MYO10: variants seen among roughly 807,000 people sequenced by gnomAD.
MYO10 encodes the protein unconventional myosin-X.
In MYO10, 133 loss-of-function variants were observed where a neutral mutation model predicts 257.3. The ratio of observed to expected loss-of-function variants is 0.52; its 90% CI spans 0.45 to 0.60. The LOEUF (loss-of-function observed/expected upper bound fraction) is 0.60. Ranked by LOEUF, MYO10 falls within the 20% of genes least tolerant of loss-of-function variation. The pLI is 0.00. For synonymous variants in MYO10, 1,104 were observed against 1,028.6 expected (o/e 1.07, Z -1.40); for missense variants, 2,399 against 2,635.7 (o/e 0.91, Z 1.97).
chr5:16,720,956 G>T (rs569446327), intron 19 of MYO10, among the ~76,000 whole-genome samples: 1 of 152,280 alleles, frequency 6.6e-6, no homozygotes, highest in African/African-American at 2.4e-5. Flanking sequence ...CATGAATACT[G>T]TATGTGTGGG....
intron 17 of MYO10, among the ~76,000 whole-genome samples, chr5:16,761,169 T>TCA (rs1296339475): frequency 6.6e-6 from 1 of 152,076 alleles, no homozygotes; most frequent in Non-Finnish European, 1.5e-5. Context: ...TTTTGTATTT[T>TCA]CAGTAGAGAT....
chr5:16,709,676 TG>T (rs1457518890), intron 21 of MYO10, among the ~76,000 whole-genome samples: 1 of 152,068 alleles, frequency 6.6e-6, no homozygotes, highest in Non-Finnish European at 1.5e-5. Flanking sequence ...ACTGCAGGCT[TG>T]GGGGACCCTG....
intron 1 of MYO10, among the ~76,000 whole-genome samples, chr5:16,911,313 T>G (rs1024129031): frequency 6.6e-6 from 1 of 152,226 alleles, no homozygotes; most frequent in African/African-American, 2.4e-5. Flanking sequence ...AGCCATTCCA[T>G]TCCCTTCCTT....
intron 9 of MYO10, among the ~76,000 whole-genome samples, chr5:16,769,969 T>C (rs1740996341): frequency 1.3e-5 from 2 of 152,014 alleles, no homozygotes; most frequent in African/African-American, 2.4e-5. Flanking sequence ...GGGGGTCTCA[T>C]GTTGGCCAGG....
chr5:16,692,398 C>A (rs1737549795), intron 27 of MYO10, among the ~76,000 whole-genome samples: 1 of 151,766 alleles, frequency 6.6e-6, no homozygotes, highest in East Asian at 1.9e-4. Flanking sequence ...CCAGCCTAGG[C>A]AACAGAGTGA....
chr5:16,892,250 C>T (rs1036717213), intron 1 of MYO10, among the ~76,000 whole-genome samples: 2 of 152,314 alleles, frequency 1.3e-5, no homozygotes, highest in Admixed American at 6.5e-5. Context: ...CACAGTTATT[C>T]ATTACTTGAG....
At chr5:16,715,112 A>T (rs381920) in intron 19 of MYO10, among the ~76,000 whole-genome samples, 109,234 of 142,924 alleles carry the variant, frequency 0.76, 42,437 homozygotes, top group Non-Finnish European at 0.82. Context: ...ATTAAAAAAA[A>T]ATTTTTTAAA....
At chr5:16,928,424 C>G (rs897609723) in intron 1 of MYO10, among the ~76,000 whole-genome samples, 1 of 152,108 alleles carries the variant, frequency 6.6e-6, no homozygotes, top group African/African-American at 2.4e-5. Flanking sequence ...GAACTCCTGA[C>G]CTCAGGTATC....
rs1561183591 is a variant in MYO10, at chr5:16,689,799, C to CACAAAGTCA, written c.3896+16_3896+24dup. 4 of 1,568,620 alleles carry CACAAAGTCA rather than the reference C, an allele frequency of 2.6e-6. No individual in the cohort carries two copies. The South Asian group carries it at 4.4e-5, about 17-fold the overall frequency. On this transcript the variant is annotated intron_variant, in intron 28 of 40. Coordinates refer to ENST00000513610, the MANE Select transcript of MYO10 (RefSeq NM_012334.3). ...GCATGAGGGAGCAGGATGTGGGTAA[C>CACAAAGTCA]ACAAAGTCAACAGCGCAGACTCACC...
At chr5:16,904,379 C>T (rs1745464120) in intron 1 of MYO10, among the ~76,000 whole-genome samples, 1 of 152,150 alleles carries the variant, frequency 6.6e-6, no homozygotes, top group African/African-American at 2.4e-5. Flanking sequence ...TTAACTGAAA[C>T]CCAGGAGAAG....
intron 2 of MYO10, among the ~76,000 whole-genome samples, chr5:16,876,177 T>C (rs1284832216): frequency 1.3e-5 from 2 of 152,174 alleles, no homozygotes; most frequent in Non-Finnish European, 2.9e-5. Context: ...TGCATTTGAC[T>C]ATCTTTTATT....
chr5:16,725,923 G>A (rs12055187), intron 19 of MYO10, among the ~76,000 whole-genome samples: 12,322 of 151,878 alleles, frequency 0.081, 872 homozygotes, highest in East Asian at 0.29. Context: ...AAGTAGCTAG[G>A]ATTATAGGCG....
intron 1 of MYO10, among the ~76,000 whole-genome samples, chr5:16,888,490 G>A (rs1054623797): frequency 6.6e-6 from 1 of 151,910 alleles, no homozygotes; most frequent in Non-Finnish European, 1.5e-5. Flanking sequence ...AGCTACTCAG[G>A]AGGCTGAGGC....
At chr5:16,867,547 A>C (rs964618361) in intron 2 of MYO10, among the ~76,000 whole-genome samples, 2 of 152,212 alleles carry the variant, frequency 1.3e-5, no homozygotes, top group Non-Finnish European at 2.9e-5. Context: ...CAAAAATGCA[A>C]TGAGAAGTCA....
intron 18 of MYO10, among the ~76,000 whole-genome samples, chr5:16,755,955 T>A (rs1740517124): frequency 6.6e-6 from 1 of 152,192 alleles, no homozygotes; most frequent in African/African-American, 2.4e-5. Flanking sequence ...AACCACAGCA[T>A]CATCACACCT....
chr5:16,675,666 A>C (rs1736690409), intron 34 of MYO10, among the ~76,000 whole-genome samples: 1 of 152,140 alleles, frequency 6.6e-6, no homozygotes, highest in African/African-American at 2.4e-5. Context: ...TTAACCTGGG[A>C]GGCAGATGTT....
intron 19 of MYO10, among the ~76,000 whole-genome samples, chr5:16,730,718 C>T (rs1047914018): frequency 6.6e-6 from 1 of 152,192 alleles, no homozygotes; most frequent in Admixed American, 6.5e-5. Flanking sequence ...GTGAGAATTA[C>T]TAGGTGGGGG....
At chr5:16,724,984 C>G (rs1739298390) in intron 19 of MYO10, among the ~76,000 whole-genome samples, 2 of 150,584 alleles carry the variant, frequency 1.3e-5, no homozygotes, top group South Asian at 4.2e-4. Context: ...TTTAAAAATG[C>G]AAATAAAAGT....
At chr5:16,848,969 T>C (rs1743722440) in intron 2 of MYO10, among the ~76,000 whole-genome samples, 1 of 152,164 alleles carries the variant, frequency 6.6e-6, no homozygotes, top group South Asian at 2.1e-4. Flanking sequence ...TTATTACTTC[T>C]TCTTGAAACA....
Sources: gnomAD v4.1 joint callset for allele counts (sites outside exome capture counted in the v4.1 genomes callset) on GRCh38, gnomAD v4.1.1 for gene constraint, MANE v1.5 for transcripts, NCBI Gene and HGNC (gene_info 2026-07-23, HGNC 2026-07-21) for gene names.